ITPR2: variants seen among roughly 807,000 people sequenced by gnomAD.
The protein encoded by ITPR2 is inositol 1,4,5-trisphosphate receptor type 2, also known as inositol 1,4,5-trisphosphate-gated calcium channel ITPR2.
Under a neutral mutation model 317.1 loss-of-function variants are expected in ITPR2, and 207 were observed. The observed-to-expected ratio is 0.65, with a 90% CI of 0.58 to 0.73. The LOEUF is 0.73. ITPR2 is among the 30% of genes least tolerant of loss of function. ITPR2 has a pLI of 0.00. For synonymous variants in ITPR2, 1,156 were observed against 1,149.1 expected (o/e 1.01, Z -0.12); for missense variants, 2,613 against 3,284.0 (o/e 0.80, Z 4.99).
At chr12:26,540,916 A>G (rs560892582) in intron 37 of ITPR2, among the ~76,000 whole-genome samples, 2 of 152,272 alleles carry the variant, frequency 1.3e-5, no homozygotes, top group East Asian at 3.9e-4. Context: ...AAAGTGGAAG[A>G]GCATGCTAAT....
At chr12:26,579,563 T>A (rs898684324) in intron 33 of ITPR2, among the ~76,000 whole-genome samples, 102 of 152,280 alleles carry the variant, frequency 6.7e-4, no homozygotes, top group African/African-American at 2.4e-3. Flanking sequence ...AATTACTATA[T>A]AATAAACCAT....
At chr12:26,769,714 C>G (rs376244946) in intron 2 of ITPR2, among the ~76,000 whole-genome samples, 2 of 152,078 alleles carry the variant, frequency 1.3e-5, no homozygotes, top group African/African-American at 4.8e-5. Context: ...AGTGGAGACA[C>G]TTTATACTAG....
At chr12:26,658,610 A>G (rs902563073) in intron 16 of ITPR2, among the ~76,000 whole-genome samples, 9 of 152,364 alleles carry the variant, frequency 5.9e-5, no homozygotes, top group Non-Finnish European at 1.2e-4. Context: ...AACATTGCCA[A>G]TTGGCTTGAC....
At chr12:26,529,769 G>T (rs1239492765) in intron 37 of ITPR2, among the ~76,000 whole-genome samples, 1 of 152,156 alleles carries the variant, frequency 6.6e-6, no homozygotes, top group Non-Finnish European at 1.5e-5. Context: ...TCCTTAAAAT[G>T]ATTCCTGGTA....
intron 37 of ITPR2, among the ~76,000 whole-genome samples, chr12:26,530,381 T>C (rs775079109): frequency 1.3e-5 from 2 of 152,248 alleles, no homozygotes; most frequent in Non-Finnish European, 2.9e-5. Context: ...TGTGTCTGTA[T>C]TTTGGAAAGT....
At chr12:26,526,315 C>A (rs1591858781) in intron 37 of ITPR2, among the ~76,000 whole-genome samples, 1 of 152,022 alleles carries the variant, frequency 6.6e-6, no homozygotes, top group Admixed American at 6.6e-5. Flanking sequence ...AGGACTGAGA[C>A]CTGAAAAATA....
At chr12:26,398,818 C>G in intron 54 of ITPR2, 58 bp downstream of exon 54, 10 of 1,411,070 alleles carry the variant, frequency 7.1e-6, no homozygotes, top group Non-Finnish European at 9.7e-6. Context: ...TCCCTCTAGC[C>G]CCTCTTTCCT....
chr12:26,370,987 T>C (rs1370838104), intron 55 of ITPR2, among the ~76,000 whole-genome samples: 2 of 152,234 alleles, frequency 1.3e-5, no homozygotes, highest in Non-Finnish European at 1.5e-5. Context: ...ACGAGTCTTA[T>C]GTATGATTTC....
rs1942884287 is a variant in ITPR2 at position 26,494,341 on chromosome 12, C to T, written c.5183-1G>A. On this transcript the variant is annotated splice_acceptor_variant, in intron 38 of 56. Transcript: ENST00000381340. LOFTEE classifies it high-confidence loss of function. ...TCTGAATCTTGTCCAGAAAAGCTTC[C>T]TGTGATTGGGAAAAATAAATAAATA... is the stretch of plus-strand genomic sequence containing the variant. 6.3e-7 allele frequency: 1 copy of T among 1,591,078 alleles called. No homozygotes were observed. The highest frequency in any genetic ancestry group is 1.4e-5 in the African/African-American group (1 of 73,784).
Position 26,631,914 on chromosome 12 carries a change from C to T in ITPR2, c.2886G>A (p.Glu962=), listed in dbSNP as rs752838434. The T allele has an allele frequency of 5.6e-6, 9 of 1,614,052 alleles. No individual in the cohort carries two copies. Among genetic ancestry groups the T allele is most frequent in the Non-Finnish European group, 7.6e-6 (9 of 1,179,998 alleles). ...GCTTGGTGTCCATCACAGTCACATC[C>T]TCGTGCTCGGTGGGGCTCCCTTGCT... The part of the protein sequence containing the change: ...PSKQGSPTEH[E]DVTVMDTKLK... The change falls in exon 22 of 57, where the codon GAG becomes GAA. Residue 962 remains glutamate (E), a synonymous_variant. Coordinates refer to ENST00000381340, the MANE Select transcript of ITPR2 (RefSeq NM_002223.4).
intron 55 of ITPR2, among the ~76,000 whole-genome samples, chr12:26,373,930 C>G (rs541875834): frequency 2.0e-5 from 3 of 152,178 alleles, no homozygotes; most frequent in Non-Finnish European, 4.4e-5. Context: ...GCAGGCAGAG[C>G]TTGCCCCTAG....
intron 45 of ITPR2, among the ~76,000 whole-genome samples, chr12:26,474,962 ACT>A (rs1942384391): frequency 6.6e-6 from 1 of 151,592 alleles, no homozygotes; most frequent in African/African-American, 2.4e-5. Flanking sequence ...CTCACTTCAC[ACT>A]CTGTCTCCCC....
intron 1 of ITPR2, among the ~76,000 whole-genome samples, chr12:26,795,990 CA>C (rs202092845): frequency 0.18 from 19,631 of 111,570 alleles, 1,970 homozygotes; most frequent in Non-Finnish European, 0.25. Context: ...TTTCCAAAAA[CA>C]AAAAAAAAGG....
chr12:26,713,703 C>T (rs1043808187), intron 8 of ITPR2, among the ~76,000 whole-genome samples: 3 of 152,170 alleles, frequency 2.0e-5, no homozygotes, highest in Admixed American at 6.5e-5. Flanking sequence ...AGCAGAGACA[C>T]ATCAAATGCA....
At chr12:26,814,121 C>T (rs1436721317) in intron 1 of ITPR2, among the ~76,000 whole-genome samples, 1 of 152,180 alleles carries the variant, frequency 6.6e-6, no homozygotes. Flanking sequence ...GAATGAGGCA[C>T]TCTTTTCAGC....
chr12:26,514,999 A>G (rs1943448920), intron 37 of ITPR2, among the ~76,000 whole-genome samples: 1 of 152,182 alleles, frequency 6.6e-6, no homozygotes, highest in Non-Finnish European at 1.5e-5. Context: ...ATGGAAAATT[A>G]TCCTCCTAAA....
chr12:26,723,889 C>T (rs1038141129), intron 4 of ITPR2, among the ~76,000 whole-genome samples: 5 of 152,122 alleles, frequency 3.3e-5, no homozygotes, highest in Non-Finnish European at 5.9e-5. Flanking sequence ...CTCTGTGCTG[C>T]GGATCTCCTA....
intron 55 of ITPR2, among the ~76,000 whole-genome samples, chr12:26,349,819 T>G (rs1342763146): frequency 6.6e-6 from 1 of 152,206 alleles, no homozygotes; most frequent in Non-Finnish European, 1.5e-5. Context: ...GCCTATTTAA[T>G]CTAGTCATTG....
chr12:26,436,822 C>T (rs1416747593), intron 47 of ITPR2, among the ~76,000 whole-genome samples: 1 of 152,180 alleles, frequency 6.6e-6, no homozygotes, highest in Non-Finnish European at 1.5e-5. Flanking sequence ...CTATGACAGT[C>T]ACAGTTACCT....
Sources: allele counts gnomAD v4.1 joint callset (sites outside exome capture counted in the v4.1 genomes callset), GRCh38; gene constraint gnomAD v4.1.1; transcripts MANE v1.5; gene names NCBI Gene and HGNC (gene_info 2026-07-23, HGNC 2026-07-21).